TCF12: variants seen among roughly 807,000 people sequenced by gnomAD.
The protein encoded by TCF12 is DNA-binding protein HTF4.
A neutral mutation model predicts 86.0 loss-of-function variants in TCF12; 45 were observed. The observed-to-expected ratio is 0.52, with a 90% CI of 0.41 to 0.67. The LOEUF (loss-of-function observed/expected upper bound fraction) is 0.67, where lower values mean the gene tolerates loss of function less well. Ranked by LOEUF, TCF12 falls within the 30% of genes least tolerant of loss-of-function variation. TCF12 has a pLI of 0.00. For synonymous variants in TCF12, 330 were observed against 299.6 expected, an observed-to-expected ratio of 1.10 and a Z score of -1.05; for missense variants, 881 against 859.9, an observed-to-expected ratio of 1.02 and a Z score of -0.31.
In TCF12 at chr15:57,232,329, A is replaced by G. The variant is rs760161332; in HGVS notation, c.724A>G (p.Asn242Asp). 75 of 1,613,900 alleles carry G rather than the reference A, an allele frequency of 4.6e-5. No homozygotes were observed. Among genetic ancestry groups the G allele is most frequent in the Non-Finnish European group, 5.8e-5 (69 of 1,179,918 alleles). ...TTCTTCTGACCTTTGGAGTTCATCA[A>G]ATGGGATGAGCCAGCCTGGTTTTGG... ...HNSSDLWSSS[N>D]GMSQPGFGGI... Residue 242 changes from asparagine (N) to aspartate (D), a missense_variant, in exon 10 of 21, where the codon AAT (asparagine) becomes GAT (aspartate). Asn to Asp is a conservative substitution (Grantham distance 23). This residue lies in a region of TCF12 where 766 missense variants were observed against 718.9 expected (regional missense o/e 1.07). Transcript: ENST00000333725.
At chr15:57,182,136 T>A (rs2056392867) in intron 6 of TCF12, among the ~76,000 whole-genome samples, 1 of 152,160 alleles carries the variant, frequency 6.6e-6, no homozygotes, top group Admixed American at 6.5e-5. Flanking sequence ...TTGCCGGAGA[T>A]ACCTCCAGGA....
chr15:57,063,816 C>T lies in TCF12; in HGVS notation c.215C>T (p.Ser72Leu). 2 of 1,596,622 alleles carry T rather than the reference C, an allele frequency of 1.3e-6. No individual in the cohort carries two copies. The highest frequency in any genetic ancestry group is 1.7e-6 in the Non-Finnish European group (2 of 1,166,548). ...TSGQPSPSYD[S>L]SRGFTDSPHY... ...GGTCAACCAAGTCCTTCCTATGATT[C>T]ATCTAGAGTAAGTTTGCTGATCAAC... The change falls in exon 4 of 21, where the codon TCA becomes TTA. Residue 72 changes from serine to leucine, a missense_variant. Around this residue, in one of 3 missense-constraint regions of TCF12, gnomAD observed 766 missense variants for 718.9 expected, o/e 1.07. Transcript: ENST00000333725.
At chr15:57,048,810 A>G (rs1438995299) in intron 3 of TCF12, among the ~76,000 whole-genome samples, 1 of 152,220 alleles carries the variant, frequency 6.6e-6, no homozygotes, top group Non-Finnish European at 1.5e-5. Flanking sequence ...ATGGTGAAAT[A>G]AGTGTATCTT....
intron 3 of TCF12, among the ~76,000 whole-genome samples, chr15:56,990,436 A>C (rs746458004): frequency 1.2e-4 from 19 of 152,116 alleles, no homozygotes; most frequent in Non-Finnish European, 2.2e-4. Flanking sequence ...GGATAAATGT[A>C]TGCCAAAGCT....
intron 6 of TCF12, among the ~76,000 whole-genome samples, chr15:57,172,566 A>G (rs1293802216): frequency 2.0e-5 from 3 of 152,146 alleles, no homozygotes; most frequent in Non-Finnish European, 4.4e-5. Flanking sequence ...AGACTTAAAT[A>G]AAAACTCTGA....
At chr15:56,984,247 A>G (rs977679019) in intron 3 of TCF12, among the ~76,000 whole-genome samples, 2 of 67,654 alleles carry the variant, frequency 3.0e-5, no homozygotes, top group South Asian at 1.1e-3. Flanking sequence ...AAGCATGTGC[A>G]TGGTGTGTGT....
intron 5 of TCF12, among the ~76,000 whole-genome samples, chr15:57,148,175 T>C (rs2053497467): frequency 6.6e-6 from 1 of 150,566 alleles, no homozygotes; most frequent in Non-Finnish European, 1.5e-5. Flanking sequence ...TGAGCCACTT[T>C]ACCAGGTCGA....
chr15:57,027,349 T>G (rs2065883982), intron 3 of TCF12, among the ~76,000 whole-genome samples: 1 of 152,238 alleles, frequency 6.6e-6, no homozygotes, highest in Non-Finnish European at 1.5e-5. Context: ...GTATCTGGCT[T>G]CTTTGACTCA....
intron 8 of TCF12, among the ~76,000 whole-genome samples, chr15:57,216,384 G>T (rs1272112944): frequency 6.6e-6 from 1 of 151,876 alleles, no homozygotes; most frequent in Non-Finnish European, 1.5e-5. Context: ...TAATCTTAGA[G>T]TAACACATAA....
At chr15:57,184,284 C>T (rs1461319798) in intron 6 of TCF12, among the ~76,000 whole-genome samples, 2 of 152,144 alleles carry the variant, frequency 1.3e-5, no homozygotes, top group Non-Finnish European at 2.9e-5. Context: ...AATTGTGTTT[C>T]ATTTGAGACT....
intron 3 of TCF12, among the ~76,000 whole-genome samples, chr15:56,981,684 A>G (rs2062901039): frequency 6.6e-6 from 1 of 152,220 alleles, no homozygotes; most frequent in Non-Finnish European, 1.5e-5. Context: ...CCAAAACTTA[A>G]CTACGAATAG....
chr15:57,158,213 G>A (rs1170600368), intron 5 of TCF12, among the ~76,000 whole-genome samples: 1 of 134,454 alleles, frequency 7.4e-6, no homozygotes, highest in Non-Finnish European at 1.6e-5. Context: ...CTTTGAGACA[G>A]TATCTCACTC....
At chr15:57,052,184 T>G (rs1176454248) in intron 3 of TCF12, among the ~76,000 whole-genome samples, 1 of 152,236 alleles carries the variant, frequency 6.6e-6, no homozygotes, top group Non-Finnish European at 1.5e-5. Flanking sequence ...TTTTAGTCCA[T>G]TTCATGAGAA....
At chr15:56,947,024 C>G (rs1440523670) in intron 3 of TCF12, among the ~76,000 whole-genome samples, 5 of 152,118 alleles carry the variant, frequency 3.3e-5, no homozygotes, top group African/African-American at 1.2e-4. Context: ...TCTTGAACTC[C>G]TGACCTCAAG....
intron 12 of TCF12, among the ~76,000 whole-genome samples, chr15:57,239,416 C>T (rs1320199996): frequency 6.7e-6 from 1 of 148,946 alleles, no homozygotes. Flanking sequence ...ATCCCAGCTG[C>T]TTGGGAGGCT....
At chr15:57,134,447 A>C (rs2052373328) in intron 5 of TCF12, 2 of 152,184 alleles carry the variant, frequency 1.3e-5, no homozygotes, top group Non-Finnish European at 1.5e-5. Flanking sequence ...GGCTGAAATG[A>C]AGTTCTGCTC....
At chr15:57,224,315 C>T (rs373163869) in intron 8 of TCF12, among the ~76,000 whole-genome samples, 2 of 152,018 alleles carry the variant, frequency 1.3e-5, no homozygotes, top group East Asian at 1.9e-4. Context: ...AACCCTGTCC[C>T]TTAGAAATTC....
At chr15:57,121,507 G>A (rs1484391720) in intron 5 of TCF12, among the ~76,000 whole-genome samples, 3 of 152,160 alleles carry the variant, frequency 2.0e-5, no homozygotes, top group Admixed American at 6.5e-5. Context: ...TAGGATTAAC[G>A]CCTTATGAAG....
intron 5 of TCF12, among the ~76,000 whole-genome samples, chr15:57,145,696 A>G (rs1397630308): frequency 1.3e-5 from 2 of 152,172 alleles, no homozygotes; most frequent in Non-Finnish European, 2.9e-5. Context: ...ACATAGCCTC[A>G]GTTTATATAC....
Sources: gnomAD v4.1 joint callset for allele counts (sites outside exome capture counted in the v4.1 genomes callset) on GRCh38, gnomAD v4.1.1 for gene constraint, gnomAD v4.1.1 regional missense constraint, MANE v1.5 for transcripts, NCBI Gene and HGNC (gene_info 2026-07-23, HGNC 2026-07-21) for gene names.